The following MAGI2 variants were observed in gnomAD, a reference collection of about 807,000 sequenced individuals.
The protein encoded by MAGI2 is membrane associated guanylate kinase, WW and PDZ domain containing 2.
MAGI2 carries 35 observed loss-of-function variants against 133.3 expected under a neutral mutation model. That is an observed-to-expected ratio of 0.26 (90% CI 0.20 to 0.35). The LOEUF (loss-of-function observed/expected upper bound fraction) is 0.35. Ranked by LOEUF, MAGI2 falls within the 10% of genes least tolerant of loss-of-function variation. The probability of loss-of-function intolerance (pLI) is 1.00; values close to 1 mark genes in which losing one functional copy is unlikely to be tolerated. For synonymous variants in MAGI2, 729 were observed against 710.6 expected (o/e 1.03, Z -0.41); for missense variants, 1,636 against 1,863.4 (o/e 0.88, Z 2.25).
At chr7:79,428,488 T>G (rs1847550682) in intron 1 of MAGI2, among the ~76,000 whole-genome samples, 1 of 152,218 alleles carries the variant, frequency 6.6e-6, no homozygotes, top group South Asian at 2.1e-4. Flanking sequence ...TGCTGATATT[T>G]ATTTTGTAGG....
intron 7 of MAGI2, among the ~76,000 whole-genome samples, chr7:78,361,174 T>C (rs1792747084): frequency 6.6e-6 from 1 of 152,038 alleles, no homozygotes; most frequent in Admixed American, 6.6e-5. Flanking sequence ...GGCGGGTGGA[T>C]CACGAGGTCA....
At chr7:78,770,502 C>T (rs1484585897) in intron 2 of MAGI2, among the ~76,000 whole-genome samples, 1 of 152,224 alleles carries the variant, frequency 6.6e-6, no homozygotes, top group Non-Finnish European at 1.5e-5. Context: ...CTGCTGTTTA[C>T]ATTTCACAAT....
intron 1 of MAGI2, among the ~76,000 whole-genome samples, chr7:79,365,044 T>C (rs1100309): frequency 0.32 from 49,113 of 151,464 alleles, 8,500 homozygotes; most frequent in African/African-American, 0.44. Flanking sequence ...AAATATAACA[T>C]TGGGAAACAA....
chr7:78,916,368 A>T (rs1798795748), intron 2 of MAGI2, among the ~76,000 whole-genome samples: 1 of 152,134 alleles, frequency 6.6e-6, no homozygotes, highest in South Asian at 2.1e-4. Context: ...TTCATTCAAC[A>T]ATATTAATTA....
At chr7:79,405,850 G>A (rs1364362628) in intron 1 of MAGI2, among the ~76,000 whole-genome samples, 1 of 146,070 alleles carries the variant, frequency 6.8e-6, no homozygotes, top group East Asian at 2.0e-4. Context: ...CCTTTGTTCT[G>A]ATAAGAGACA....
At chr7:78,115,550 T>G (rs1285772389) in intron 20 of MAGI2, among the ~76,000 whole-genome samples, 1 of 152,126 alleles carries the variant, frequency 6.6e-6, no homozygotes, top group Non-Finnish European at 1.5e-5. Flanking sequence ...CTTATAATAA[T>G]ATCAGACCAA....
At position 79,453,247 on chromosome 7, in the gene MAGI2, T is replaced by G; in HGVS notation, c.74A>C (p.Glu25Ala). The change falls in exon 1 of 22, where the codon GAG becomes GCG. Residue 25 changes from glutamate to alanine, a missense_variant. By Grantham distance (107) the Glu-to-Ala change is moderately radical. Around this residue, in one of 5 missense-constraint regions of MAGI2, gnomAD observed 148 missense variants for 239.0 expected, o/e 0.62. Coordinates refer to ENST00000354212, the MANE Select transcript of MAGI2 (RefSeq NM_012301.4). ...VHESVIGRNPEGQLGFELKGG... is the reference protein window; with the variant it reads ...VHESVIGRNPAGQLGFELKGG... ...CTTCAGTTCAAAGCCCAGCTGGCCC[T>G]CCGGGTTCCTGCCAATGACACTCTC... 1 of 1,613,804 alleles carries G rather than the reference T, an allele frequency of 6.2e-7. No homozygotes were observed. The highest frequency in any genetic ancestry group is 8.5e-7 in the Non-Finnish European group (1 of 1,180,026).
chr7:78,898,612 A>G (rs943228820), intron 2 of MAGI2, among the ~76,000 whole-genome samples: 2 of 152,280 alleles, frequency 1.3e-5, no homozygotes, highest in African/African-American at 4.8e-5. Flanking sequence ...ATGAGAACAC[A>G]TGGACACATA....
intron 2 of MAGI2, among the ~76,000 whole-genome samples, chr7:78,958,459 A>G (rs1268287658): frequency 6.6e-6 from 1 of 152,150 alleles, no homozygotes; most frequent in Non-Finnish European, 1.5e-5. Flanking sequence ...TGTCATTTGT[A>G]GAGTTTGTTA....
intron 17 of MAGI2, 181 bp downstream of exon 17, chr7:78,134,840 T>A (rs1308951990): frequency 3.4e-6 from 2 of 579,918 alleles, no homozygotes; most frequent in East Asian, 5.7e-5. Flanking sequence ...GTAAACAAGA[T>A]ATGGATTGCA....
At chr7:79,393,781 A>G (rs1844841788) in intron 1 of MAGI2, among the ~76,000 whole-genome samples, 1 of 152,192 alleles carries the variant, frequency 6.6e-6, no homozygotes, top group Non-Finnish European at 1.5e-5. Context: ...AATATGTGAA[A>G]GTATTTTACC....
intron 4 of MAGI2, among the ~76,000 whole-genome samples, chr7:78,509,644 G>C (rs1202885608): frequency 3.3e-5 from 5 of 152,138 alleles, no homozygotes; most frequent in Admixed American, 2.0e-4. Context: ...TTATTGCCCT[G>C]CCAGTATCTA....
chr7:78,751,978 C>T (rs1247262808), intron 2 of MAGI2, among the ~76,000 whole-genome samples: 2 of 152,152 alleles, frequency 1.3e-5, no homozygotes, highest in African/African-American at 4.8e-5. Context: ...GTGTCATAAC[C>T]CTTCAATCAA....
chr7:79,439,344 C>G (rs576896811), intron 1 of MAGI2, among the ~76,000 whole-genome samples: 1 of 152,118 alleles, frequency 6.6e-6, no homozygotes, highest in African/African-American at 2.4e-5. Context: ...TAACCACCCT[C>G]TAACATGAGG....
At chr7:79,090,802 T>C (rs1816975464) in intron 1 of MAGI2, among the ~76,000 whole-genome samples, 1 of 152,156 alleles carries the variant, frequency 6.6e-6, no homozygotes, top group African/African-American at 2.4e-5. Context: ...GTTATATCCA[T>C]GGTATCTGTG....
intron 2 of MAGI2, among the ~76,000 whole-genome samples, chr7:78,931,850 A>G (rs1293531816): frequency 6.6e-6 from 1 of 152,064 alleles, no homozygotes; most frequent in Non-Finnish European, 1.5e-5. Context: ...AATGTTTTCT[A>G]CTTTTAAGTA....
chr7:78,326,586 C>T (rs993307390), intron 9 of MAGI2, among the ~76,000 whole-genome samples: 18 of 152,122 alleles, frequency 1.2e-4, no homozygotes, highest in Admixed American at 1.0e-3. Flanking sequence ...AAAATGGACT[C>T]GATCCCACTC....
chr7:78,154,193 G>C (rs1824162337), intron 16 of MAGI2, among the ~76,000 whole-genome samples: 1 of 152,186 alleles, frequency 6.6e-6, no homozygotes. Context: ...CAAAGCCTAT[G>C]GACATCATCA....
At chr7:78,665,515 A>G (rs1296552178) in intron 2 of MAGI2, among the ~76,000 whole-genome samples, 2 of 152,044 alleles carry the variant, frequency 1.3e-5, no homozygotes, top group Non-Finnish European at 2.9e-5. Context: ...AAGGAGCCAG[A>G]AGTGGTCCAA....
Sources: allele counts gnomAD v4.1 joint callset (sites outside exome capture counted in the v4.1 genomes callset), GRCh38; gene constraint gnomAD v4.1.1; regional missense constraint gnomAD v4.1.1; transcripts MANE v1.5; gene names NCBI Gene and HGNC (gene_info 2026-07-23, HGNC 2026-07-21).